SETD4: variants seen among roughly 807,000 people sequenced by gnomAD.
SETD4 encodes the protein SET domain containing 4, also known as SET domain-containing protein 4.
SETD4 carries 46 observed loss-of-function variants against 58.3 expected under a neutral mutation model. That is an observed-to-expected ratio of 0.79 (90% CI 0.62 to 1.01). SETD4 has a LOEUF of 1.01. Among genes scored for constraint, SETD4 ranks in the 50% least tolerant of loss-of-function variants. The pLI is 0.00. For missense variants in SETD4, 490 were observed against 523.3 expected, an observed-to-expected ratio of 0.94 and a Z score of 0.62; for synonymous variants, 190 against 202.6, an observed-to-expected ratio of 0.94 and a Z score of 0.53.
At chr21:36,043,688 G>A in intron 7 of SETD4, 94 bp downstream of exon 7, 7 of 1,544,494 alleles carry the variant, frequency 4.5e-6, no homozygotes, top group Non-Finnish European at 6.1e-6. Context: ...TCAGTCTTAA[G>A]GTTTTGATAT....
At chr21:36,053,657 C>T (rs762360) in intron 3 of SETD4, 37 bp from the exon 4 acceptor site, 1,142,751 of 1,604,910 alleles carry the variant, frequency 0.71, 409,482 homozygotes, top group South Asian at 0.83. Context: ...TAAATCCTAC[C>T]ATAACTTCAA....
At chr21:36,045,110 A>G (rs1456288792) in intron 6 of SETD4, among the ~76,000 whole-genome samples, 1 of 152,224 alleles carries the variant, frequency 6.6e-6, no homozygotes, top group African/African-American at 2.4e-5. Flanking sequence ...TGAGGTGACA[A>G]AGAGGAACAA....
At chr21:36,054,535 C>T (rs1299845572) in intron 3 of SETD4, among the ~76,000 whole-genome samples, 1 of 152,248 alleles carries the variant, frequency 6.6e-6, no homozygotes, top group Non-Finnish European at 1.5e-5. Flanking sequence ...CACGGTGGCT[C>T]ACTGCCTCAA....
intron 4 of SETD4, chr21:36,051,049 C>A: frequency 6.8e-7 from 1 of 1,469,440 alleles, no homozygotes; most frequent in Non-Finnish European, 9.5e-7. Context: ...GTCTGTGAGG[C>A]CAATGCAAAT....
chr21:36,040,777 C>A (rs2064011435), intron 8 of SETD4, 122 bp from the exon 9 acceptor site: 1 of 793,112 alleles, frequency 1.3e-6, no homozygotes, highest in East Asian at 2.5e-5. Context: ...AACCTGCAAC[C>A]TCGGCCAAAG....
intron 10 of SETD4, 90 bp from the exon 11 acceptor site, chr21:36,036,341 G>C: frequency 8.0e-7 from 1 of 1,256,368 alleles, no homozygotes; most frequent in East Asian, 2.6e-5. Context: ...AATTTTAAGT[G>C]TATGGTTCAG....
rs1033417145 is a variant in SETD4, at chr21:36,035,933, T to A, written c.*60A>T. ...GGGCAGCCACCACCCCAGCCCATGA[T>A]GATGCTCTTCAAAATTAACTTTTGT... On this transcript the variant is annotated 3_prime_UTR_variant, in exon 12 of 12. Coordinates refer to ENST00000332131, the MANE Select transcript of SETD4 (RefSeq NM_017438.5). 10 of 759,100 alleles carry A rather than the reference T, an allele frequency of 1.3e-5. No individual in the cohort carries two copies. The highest frequency in any genetic ancestry group is 1.9e-5 in the Non-Finnish European group (9 of 473,660). The allele number at this position is 759,100 out of a possible 1,614,324, so 47.0% of individuals were successfully genotyped here.
chr21:36,039,689 C>T (rs1359345527), intron 9 of SETD4, among the ~76,000 whole-genome samples: 2 of 152,190 alleles, frequency 1.3e-5, no homozygotes, highest in East Asian at 1.9e-4. Flanking sequence ...AAGGAAACAT[C>T]GGTTAAAGAA....
chr21:36,039,797 T>G (rs2063957629), intron 9 of SETD4, among the ~76,000 whole-genome samples: 1 of 152,188 alleles, frequency 6.6e-6, no homozygotes, highest in Non-Finnish European at 1.5e-5. Flanking sequence ...ACTCCAAAAG[T>G]TCCTAGAGAA....
rs774561873 is a variant in SETD4 at position 36,045,683 on chromosome 21, C to CCT, written c.624_625insAG (p.Val209ArgfsTer4). ...TCCCGCTGCCTGGGCCTCAGGTACA[C>CCT]GGCTCTGGTGTTGACGGTGCACCAA... is the stretch of plus-strand genomic sequence containing the variant. On this transcript the variant is annotated frameshift_variant, in exon 6 of 12. Transcript: ENST00000332131. LOFTEE classifies it high-confidence loss of function. 1 of 1,614,186 alleles carries CCT rather than the reference C, an allele frequency of 6.2e-7. No homozygotes were observed. The highest frequency in any genetic ancestry group is 2.2e-5 in the East Asian group (1 of 44,888).
intron 3 of SETD4, among the ~76,000 whole-genome samples, chr21:36,053,865 T>G (rs1001510425): frequency 6.6e-6 from 1 of 152,146 alleles, no homozygotes; most frequent in African/African-American, 2.4e-5. Context: ...AAGAGCACCG[T>G]GGACTTTATA....
intron 4 of SETD4, 23 bp downstream of exon 4, chr21:36,053,560 A>C: frequency 1.2e-6 from 2 of 1,613,694 alleles, no homozygotes; most frequent in Non-Finnish European, 1.7e-6. Flanking sequence ...ATTGGGTTTC[A>C]AGGATCAAAG....
At chr21:36,040,356 T>C (rs2063986918) in intron 9 of SETD4, among the ~76,000 whole-genome samples, 1 of 152,236 alleles carries the variant, frequency 6.6e-6, no homozygotes, top group South Asian at 2.1e-4. Flanking sequence ...AAACTATGTA[T>C]GCTGAGTCTA....
At chr21:36,057,061 C>G (rs1331748298) in intron 3 of SETD4, 48 bp downstream of exon 3, 2 of 1,485,934 alleles carry the variant, frequency 1.3e-6, no homozygotes, top group Non-Finnish European at 1.9e-6. Flanking sequence ...TGCTGTCTAC[C>G]TGGCTCTCGT....
intron 8 of SETD4, 113 bp downstream of exon 8, chr21:36,041,694 C>A (rs186520178): frequency 1.5e-6 from 1 of 683,502 alleles, no homozygotes; most frequent in East Asian, 2.8e-5. Flanking sequence ...AATACCTACC[C>A]GTCAGCTGAT....
rs570897869 is a variant in SETD4 at position 36,057,628 on chromosome 21, A to T, written c.74-424T>A. ...AGCAGGCTTTCATACAGGAATTAAC[A>T]AGATGATCCCAAAATTCATGTGGAA... is the stretch of plus-strand genomic sequence containing the variant. On this transcript the variant is annotated intron_variant, in intron 2 of 11. Transcript: ENST00000332131. Among the ~76,000 whole-genome samples the T allele has an allele frequency of 4.6e-5, 7 of 152,388 alleles. No homozygotes were observed. The East Asian group carries it at 7.7e-4, about 17-fold the overall frequency.
chr21:36,045,772 G>A lies in SETD4; in HGVS notation c.536C>T (p.Ser179Phe), dbSNP rs2064296744. The change falls in exon 6 of 12, where the codon TCT (serine) becomes TTT (phenylalanine). Residue 179 changes from serine to phenylalanine, a missense_variant. Transcript: ENST00000332131. ...AGCCTCCGCAAACAGAGGCTGCAGA[G>A]AAGAGAAAAAGTCTCTGGAGGAAGC... ...FFASSRDFFS[S>F]LQPLFAEAVD... is the part of the protein sequence containing the mutation. 5 of 1,614,108 alleles carry A rather than the reference G, an allele frequency of 3.1e-6. No individual in the cohort carries two copies. Among genetic ancestry groups the A allele is most frequent in the Non-Finnish European group, 3.4e-6 (4 of 1,180,050 alleles).
Position 36,057,142 on chromosome 21 carries a change from GA to G in SETD4, c.135del (p.Gln46LysfsTer5). On this transcript the variant is annotated frameshift_variant, in exon 3 of 12. Coordinates refer to ENST00000332131, the MANE Select transcript of SETD4 (RefSeq NM_017438.5). LOFTEE classifies it high-confidence loss of function. The stretch of plus-strand genomic sequence containing the variant: ...CAAGCAGGCGCTAAGTTTGAATCTT[GA>G]AACTTCCTAGCTTTCAGCCACTTCC... Reference protein sequence around the residue: ...ELRKWLKARKFQDSNLAPACF... With the variant: ...ELRKWLKARKXQDSNLAPACF... The G allele has an allele frequency of 1.2e-6, 2 of 1,614,168 alleles. No individual in the cohort carries two copies. The highest frequency in any genetic ancestry group is 1.7e-6 in the Non-Finnish European group (2 of 1,180,028).
intron 2 of SETD4, among the ~76,000 whole-genome samples, chr21:36,058,419 A>G (rs1036936502): frequency 8.0e-5 from 12 of 150,882 alleles, no homozygotes; most frequent in African/African-American, 2.7e-4. Context: ...GAGGGAGGCT[A>G]AGGGAGGAGA....
Sources: gnomAD v4.1 joint callset for allele counts (sites outside exome capture counted in the v4.1 genomes callset) on GRCh38, gnomAD v4.1.1 for gene constraint, MANE v1.5 for transcripts, NCBI Gene and HGNC (gene_info 2026-07-23, HGNC 2026-07-21) for gene names.